NEXMIF: variants seen among roughly 807,000 people sequenced by gnomAD.
NEXMIF encodes XLMR protein related to neurite extension.
In NEXMIF, 8 loss-of-function variants were observed where a neutral mutation model predicts 62.1. The observed-to-expected ratio is 0.13, with a 90% CI of 0.08 to 0.23. NEXMIF has a LOEUF of 0.23. Ranked by LOEUF, NEXMIF falls within the 10% of genes least tolerant of loss-of-function variation. The pLI is 1.00. For synonymous variants in NEXMIF, 404 were observed against 416.6 expected, an observed-to-expected ratio of 0.97 and a Z score of 0.37; for missense variants, 976 against 1,113.3, an observed-to-expected ratio of 0.88 and a Z score of 1.75.
At chrX:74,832,082 T>G (rs1364470026) in intron 1 of NEXMIF, among the ~76,000 whole-genome samples, 1 of 112,141 alleles carries the variant, frequency 8.9e-6, no homozygotes, top group Non-Finnish European at 1.9e-5. Flanking sequence ...CTTTTTCTGT[T>G]GTGTCTTTGT....
chrX:74,801,887 C>T (rs1439152032), intron 1 of NEXMIF, among the ~76,000 whole-genome samples: 2 of 112,082 alleles, frequency 1.8e-5, no homozygotes, highest in Non-Finnish European at 3.8e-5. Context: ...GACTGAAGAG[C>T]CCTTGGGCCT....
At position 74,738,326 on chromosome X, in the gene NEXMIF, T is replaced by A. The variant is rs1412604652; in HGVS notation, c.*1079A>T. 2 of 111,470 alleles carry A rather than the reference T, an allele frequency of 1.8e-5. No individual in the cohort carries two copies. Among genetic ancestry groups the A allele is most frequent in the Non-Finnish European group, 3.8e-5 (2 of 53,052 alleles). The allele number at this position is 111,470 out of a possible 1,213,427, so 9.2% of individuals were successfully genotyped here. On this transcript the variant is annotated 3_prime_UTR_variant, in exon 4 of 4. Coordinates refer to ENST00000055682, the MANE Select transcript of NEXMIF (RefSeq NM_001008537.3). ...CATAAGAAGAAAAATTTGGTTGAACTGGGATGCCTTAACATTTTCTTTAAA... is the reference window on the plus strand; with the variant it reads ...CATAAGAAGAAAAATTTGGTTGAACAGGGATGCCTTAACATTTTCTTTAAA...
chrX:74,795,098 C>A (rs1000611180), intron 1 of NEXMIF, among the ~76,000 whole-genome samples: 22 of 112,020 alleles, frequency 2.0e-4, no homozygotes, highest in African/African-American at 6.2e-4. Flanking sequence ...CTGCACCATA[C>A]ATACATACTC....
At chrX:74,816,372 C>T (rs934166642) in intron 1 of NEXMIF, among the ~76,000 whole-genome samples, 1 of 111,697 alleles carries the variant, frequency 9.0e-6, no homozygotes, top group Admixed American at 9.5e-5. Flanking sequence ...ATTAACACAT[C>T]TTTGAATATT....
At chrX:74,745,972 C>T (rs1225759067) in intron 1 of NEXMIF, among the ~76,000 whole-genome samples, 1 of 111,638 alleles carries the variant, frequency 9.0e-6, no homozygotes, top group African/African-American at 3.3e-5. Flanking sequence ...AAACGTATCC[C>T]TTCCTCCAAA....
chrX:74,910,658 T>C (rs1435207631), intron 1 of NEXMIF, among the ~76,000 whole-genome samples: 1 of 111,808 alleles, frequency 8.9e-6, no homozygotes, highest in East Asian at 2.8e-4. Context: ...TGGAATGTTA[T>C]GGTTTGGCTC....
rs1224340686 is a variant in NEXMIF, at chrX:74,740,968, T to C, written c.3589A>G (p.Arg1197Gly). 8.3e-7 allele frequency: 1 copy of C among 1,212,073 alleles called. No homozygotes were observed. The highest frequency in any genetic ancestry group is 1.1e-6 in the Non-Finnish European group (1 of 895,585). Reference sequence around the variant, plus strand: ...TTGTTACCTTTGAGGGATTTTTTCCTGGTGTTTTTCTGAGAAGAGCTTTGG... The same window carrying C: ...TTGTTACCTTTGAGGGATTTTTTCCCGGTGTTTTTCTGAGAAGAGCTTTGG... ...MNQSSSQKNT[R>G]KKSLKGNNKG... The change falls in exon 3 of 4, where the codon AGG (arginine) becomes GGG (glycine). Residue 1197 changes from arginine (R) to glycine (G), a missense_variant. Around this residue, in one of 5 missense-constraint regions of NEXMIF, gnomAD observed 639 missense variants for 694.5 expected, o/e 0.92. Coordinates refer to ENST00000055682, the MANE Select transcript of NEXMIF (RefSeq NM_001008537.3).
chrX:74,830,906 C>T (rs1386353264), intron 1 of NEXMIF, among the ~76,000 whole-genome samples: 1 of 110,810 alleles, frequency 9.0e-6, no homozygotes, highest in Non-Finnish European at 1.9e-5. Flanking sequence ...GATTTGGTAT[C>T]ATCCAACTTT....
intron 1 of NEXMIF, among the ~76,000 whole-genome samples, chrX:74,829,811 G>A (rs1403734582): frequency 9.0e-6 from 1 of 111,425 alleles, no homozygotes; most frequent in African/African-American, 3.3e-5. Context: ...ATAATGTTGA[G>A]CACCTTTTCA....
intron 1 of NEXMIF, among the ~76,000 whole-genome samples, chrX:74,790,981 C>T (rs1282936042): frequency 9.0e-6 from 1 of 110,801 alleles, no homozygotes; most frequent in African/African-American, 3.3e-5. Context: ...CTTCTCCTGC[C>T]TAATTGCCCT....
intron 1 of NEXMIF, among the ~76,000 whole-genome samples, chrX:74,848,880 G>A (rs2080503291): frequency 8.9e-6 from 1 of 111,897 alleles, no homozygotes; most frequent in Non-Finnish European, 1.9e-5. Context: ...TCCACCACAT[G>A]AAGAAACAGC....
chrX:74,838,581 T>A (rs2080464369), intron 1 of NEXMIF, among the ~76,000 whole-genome samples: 1 of 112,533 alleles, frequency 8.9e-6, no homozygotes, highest in Non-Finnish European at 1.9e-5. Context: ...ATGAGTGCTA[T>A]TAACAACATA....
intron 1 of NEXMIF, among the ~76,000 whole-genome samples, chrX:74,852,745 A>C (rs2080520561): frequency 8.9e-6 from 1 of 111,896 alleles, no homozygotes; most frequent in Admixed American, 9.5e-5. Flanking sequence ...AAATTTCCTG[A>C]AACAAATGAA....
intron 1 of NEXMIF, among the ~76,000 whole-genome samples, chrX:74,755,478 A>C (rs1322739257): frequency 3.6e-5 from 4 of 111,532 alleles, no homozygotes; most frequent in African/African-American, 1.3e-4. Context: ...GTTGATCCCC[A>C]GATAGGTCTT....
At chrX:74,908,692 GCACACA>G (rs745450977) in intron 1 of NEXMIF, among the ~76,000 whole-genome samples, 1 of 110,591 alleles carries the variant, frequency 9.0e-6, no homozygotes, top group Non-Finnish European at 1.9e-5. Flanking sequence ...ACATGCACGT[GCACACA>G]CACACACACA....
intron 1 of NEXMIF, among the ~76,000 whole-genome samples, chrX:74,838,179 A>G (rs1390546173): frequency 9.0e-6 from 1 of 111,565 alleles, no homozygotes; most frequent in African/African-American, 3.3e-5. Context: ...AATCCTCATG[A>G]CTTAATGTAG....
intron 1 of NEXMIF, among the ~76,000 whole-genome samples, chrX:74,753,702 TACACACACACACGCACACACACAC>T (rs1426656915): frequency 2.1e-5 from 2 of 95,076 alleles, no homozygotes; most frequent in Non-Finnish European, 4.0e-5. Context: ...ATTTCCTCCT[TACACACACACACGCACACACACAC>T]ACACACACAC....
Position 74,740,549 on chromosome X carries a change from G to A in NEXMIF, c.4008C>T (p.Ala1336=), listed in dbSNP as rs1569334868. ...GMADVQRFMM[A]SIEPLWEPME... ...TGGGTTCCCAAAGGGGCTCTATGGA[G>A]GCCATCATGAATCTCTGCACATCTG... Residue 1336 remains alanine (A), a synonymous_variant, in exon 3 of 4, where the codon GCC becomes GCT. Coordinates refer to ENST00000055682, the MANE Select transcript of NEXMIF (RefSeq NM_001008537.3). 1.7e-6 allele frequency: 2 copies of A among 1,211,638 alleles called. No individual in the cohort carries two copies. The highest frequency in any genetic ancestry group is 2.2e-6 in the Non-Finnish European group (2 of 895,260).
chrX:74,856,265 C>T (rs188492445), intron 1 of NEXMIF, among the ~76,000 whole-genome samples: 1 of 112,077 alleles, frequency 8.9e-6, no homozygotes, highest in African/African-American at 3.2e-5. Flanking sequence ...ATTCTAGACT[C>T]AAAAGTATAA....
Sources: gnomAD v4.1 joint callset for allele counts (sites outside exome capture counted in the v4.1 genomes callset) on GRCh38, gnomAD v4.1.1 for gene constraint, gnomAD v4.1.1 regional missense constraint, MANE v1.5 for transcripts, NCBI Gene and HGNC (gene_info 2026-07-23, HGNC 2026-07-21) for gene names.